The following UNC79 variants were observed in gnomAD, a reference collection of about 807,000 sequenced individuals.
UNC79 encodes protein unc-79 homolog.
A neutral mutation model predicts 283.1 loss-of-function variants in UNC79; 37 were observed. That is an observed-to-expected ratio of 0.13 (90% confidence interval 0.10 to 0.17). UNC79 has a LOEUF of 0.17. Among genes scored for constraint, UNC79 ranks in the 10% least tolerant of loss-of-function variants. The probability of loss-of-function intolerance (pLI) is 1.00; values close to 1 mark genes in which losing one functional copy is unlikely to be tolerated. For synonymous variants in UNC79, 1,107 were observed against 1,200.2 expected, an observed-to-expected ratio of 0.92 and a Z score of 1.61; for missense variants, 2,272 against 3,211.1, an observed-to-expected ratio of 0.71 and a Z score of 7.07.
intron 1 of UNC79, among the ~76,000 whole-genome samples, chr14:93,344,548 G>C (rs1343325252): frequency 6.6e-6 from 1 of 152,060 alleles, no homozygotes; most frequent in Non-Finnish European, 1.5e-5. Flanking sequence ...GGGCTTTCTT[G>C]CTAGGCAGGG....
At chr14:93,614,070 C>A (rs1451536771) in intron 27 of UNC79, among the ~76,000 whole-genome samples, 1 of 150,982 alleles carries the variant, frequency 6.6e-6, no homozygotes, top group Non-Finnish European at 1.5e-5. Context: ...GAATTGGTAG[C>A]CTGGTATCAT....
Position 93,412,222 on chromosome 14 carries a change from T to C in UNC79, c.-350-55449T>C, listed in dbSNP as rs931422606. 7.2e-5 allele frequency among the ~76,000 whole-genome samples: 11 copies of C among 152,172 alleles called. No individual in the cohort carries two copies. The South Asian group carries it at 1.0e-3, about 14-fold the overall frequency. ...AATTAGTGGGCTTGAAGGCAGCCTA[T>C]GTGAAAATACATGGAGGAGATAAAA... On this transcript the variant is annotated intron_variant, in intron 1 of 49. Coordinates refer to the UNC79 transcript ENST00000256339.
intron 39 of UNC79, among the ~76,000 whole-genome samples, chr14:93,660,543 ATATATATATATATATATATATGTGTG>A (rs1277776407): frequency 2.5e-5 from 3 of 118,566 alleles, no homozygotes; most frequent in Admixed American, 8.0e-5. Context: ...ATATATATAT[ATATATATATATATATATATATGTGTG>A]TGTGTGTGTG....
At chr14:93,654,718 C>T (rs904513466) in intron 37 of UNC79, among the ~76,000 whole-genome samples, 1 of 152,152 alleles carries the variant, frequency 6.6e-6, no homozygotes, top group Non-Finnish European at 1.5e-5. Flanking sequence ...GAAAACTTCT[C>T]CATACCCTCA....
At chr14:93,684,687 C>T (rs1258976017) in intron 42 of UNC79, among the ~76,000 whole-genome samples, 1 of 152,032 alleles carries the variant, frequency 6.6e-6, no homozygotes, top group African/African-American at 2.4e-5. Context: ...AGGTGGAGGA[C>T]AGGAAATTAG....
At chr14:93,411,179 C>T (rs974383994) in intron 1 of UNC79, among the ~76,000 whole-genome samples, 1 of 152,076 alleles carries the variant, frequency 6.6e-6, no homozygotes, top group Non-Finnish European at 1.5e-5. Context: ...CGCAGTACTC[C>T]CCATCCTGGC....
At chr14:93,599,480 A>G (rs958635224) in intron 24 of UNC79, among the ~76,000 whole-genome samples, 1 of 152,118 alleles carries the variant, frequency 6.6e-6, no homozygotes, top group Admixed American at 6.6e-5. Flanking sequence ...TGAAAGACTG[A>G]AGGGTTATGC....
At chr14:93,622,476 A>G in exon 30 of UNC79, 2 of 1,613,828 alleles carry the variant, frequency 1.2e-6, no homozygotes, top group Non-Finnish European at 1.7e-6. Context: ...CAAAAACGAG[A>G]CCTCCTTCAG....
At chr14:93,561,856 A>G (rs554326080) in intron 14 of UNC79, among the ~76,000 whole-genome samples, 7 of 152,280 alleles carry the variant, frequency 4.6e-5, no homozygotes, top group African/African-American at 1.7e-4. Flanking sequence ...TAGGGCATTT[A>G]TGAGTAGTTG....
intron 7 of UNC79, among the ~76,000 whole-genome samples, chr14:93,498,462 G>A (rs529118230): frequency 5.9e-5 from 9 of 151,682 alleles, no homozygotes; most frequent in African/African-American, 1.5e-4. Context: ...GTGGTGGCAC[G>A]TGCCTCTAGT....
At chr14:93,462,826 A>G (rs1321237884) in intron 1 of UNC79, among the ~76,000 whole-genome samples, 1 of 152,198 alleles carries the variant, frequency 6.6e-6, no homozygotes, top group East Asian at 1.9e-4. Flanking sequence ...TCTTGGGGGA[A>G]GGGAGACCTA....
chr14:93,383,019 T>C (rs1057282132), intron 1 of UNC79, among the ~76,000 whole-genome samples: 4 of 152,198 alleles, frequency 2.6e-5, no homozygotes, highest in African/African-American at 7.2e-5. Flanking sequence ...TGGCTTATTA[T>C]CTGAAAGGCT....
chr14:93,452,334 T>TA (rs938137823), intron 1 of UNC79, among the ~76,000 whole-genome samples: 3 of 152,096 alleles, frequency 2.0e-5, no homozygotes, highest in African/African-American at 7.2e-5. Flanking sequence ...AATGAACATT[T>TA]ACTGAATGTG....
At chr14:93,598,396 GTGTGTGTGTGTGT>G (rs1566742066) in intron 24 of UNC79, among the ~76,000 whole-genome samples, 87 of 151,932 alleles carry the variant, frequency 5.7e-4, no homozygotes, top group African/African-American at 2.0e-3. Context: ...GTGTGTGTGT[GTGTGTGTGTGTGT>G]GGCAGATTTT....
At chr14:93,630,416 G>A (rs1338423306) in intron 30 of UNC79, among the ~76,000 whole-genome samples, 16 of 152,244 alleles carry the variant, frequency 1.1e-4, no homozygotes, top group African/African-American at 2.2e-4. Flanking sequence ...GTAGGAAATT[G>A]TCAGACAAAG....
chr14:93,544,861 T>G (rs1029981651), intron 14 of UNC79, among the ~76,000 whole-genome samples: 1 of 152,206 alleles, frequency 6.6e-6, no homozygotes, highest in Non-Finnish European at 1.5e-5. Context: ...GTCACAGTTA[T>G]GGTTATTTTC....
At chr14:93,703,133 A>G (rs551293751) in intron 47 of UNC79, among the ~76,000 whole-genome samples, 1 of 152,294 alleles carries the variant, frequency 6.6e-6, no homozygotes, top group Non-Finnish European at 1.5e-5. Flanking sequence ...ACATGTCAGC[A>G]TCACGTGACT....
intron 5 of UNC79, among the ~76,000 whole-genome samples, chr14:93,492,822 A>T (rs2058797139): frequency 6.6e-6 from 1 of 152,218 alleles, no homozygotes; most frequent in South Asian, 2.1e-4. Context: ...GTCTTGGAAC[A>T]TCTGCACTTG....
At chr14:93,441,206 T>G (rs1183105372) in intron 1 of UNC79, among the ~76,000 whole-genome samples, 1 of 152,122 alleles carries the variant, frequency 6.6e-6, no homozygotes, top group African/African-American at 2.4e-5. Flanking sequence ...TTTTAATGCT[T>G]TCTGGTCTGA....
Sources: allele counts gnomAD v4.1 joint callset (sites outside exome capture counted in the v4.1 genomes callset), GRCh38; gene constraint gnomAD v4.1.1; transcripts MANE v1.5; gene names NCBI Gene and HGNC (gene_info 2026-07-23, HGNC 2026-07-21).